The following SMG6 variants were observed in gnomAD, a reference collection of about 807,000 sequenced individuals.
SMG6 encodes telomerase-binding protein EST1A.
A neutral mutation model predicts 142.2 loss-of-function variants in SMG6; 66 were observed. That is an observed-to-expected ratio of 0.46 (90% CI 0.38 to 0.57). The LOEUF (loss-of-function observed/expected upper bound fraction) is 0.57, where lower values mean the gene tolerates loss of function less well. SMG6 is among the 20% of genes least tolerant of loss of function. The pLI, the probability that SMG6 is intolerant of heterozygous loss-of-function variation, is 0.00. For missense variants in SMG6, 1,793 were observed against 1,832.0 expected, an observed-to-expected ratio of 0.98 and a Z score of 0.39; for synonymous variants, 779 against 702.4, an observed-to-expected ratio of 1.11 and a Z score of -1.72.
chr17:2,118,994 G>A (rs1000488231), intron 13 of SMG6, among the ~76,000 whole-genome samples: 2 of 150,566 alleles, frequency 1.3e-5, no homozygotes, highest in African/African-American at 4.9e-5. Context: ...TCCGTCTCCC[G>A]GTTCAAGCAA....
chr17:2,284,166 A>C (rs992019527), intron 6 of SMG6, among the ~76,000 whole-genome samples: 3 of 152,208 alleles, frequency 2.0e-5, no homozygotes, highest in African/African-American at 7.2e-5. Context: ...GTTGACTCGG[A>C]AACTTTGGAC....
At chr17:2,298,171 C>G in intron 2 of SMG6, 116 bp from the exon 3 acceptor site, 1 of 899,330 alleles carries the variant, frequency 1.1e-6, no homozygotes, top group Non-Finnish European at 1.6e-6. Flanking sequence ...AAAAATGTGA[C>G]CAGGTAGGTA....
intron 10 of SMG6, among the ~76,000 whole-genome samples, chr17:2,229,815 T>C (rs964724251): frequency 7.2e-5 from 11 of 152,106 alleles, no homozygotes; most frequent in African/African-American, 2.7e-4. Context: ...GCATACAGTA[T>C]GAATCTGGCC....
At chr17:2,181,418 C>A (rs11871926) in intron 12 of SMG6, among the ~76,000 whole-genome samples, 1 of 152,132 alleles carries the variant, frequency 6.6e-6, no homozygotes, top group Admixed American at 6.5e-5. Flanking sequence ...TGCTTAAACT[C>A]GCATTCCAGA....
intron 14 of SMG6, 116 bp from the exon 15 acceptor site, chr17:2,082,072 T>G: frequency 9.4e-7 from 1 of 1,062,554 alleles, no homozygotes; most frequent in Non-Finnish European, 1.4e-6. Flanking sequence ...GGACCATCCC[T>G]TGCAAAGGGT....
intron 13 of SMG6, among the ~76,000 whole-genome samples, chr17:2,141,772 CATAAT>C (rs1283801109): frequency 1.3e-5 from 2 of 152,124 alleles, no homozygotes; most frequent in African/African-American, 2.4e-5. Flanking sequence ...GTGACTGTCT[CATAAT>C]AGAGTAAATT....
chr17:2,074,533 A>C (rs1180981539), intron 15 of SMG6, among the ~76,000 whole-genome samples: 1 of 152,230 alleles, frequency 6.6e-6, no homozygotes, highest in Non-Finnish European at 1.5e-5. Context: ...CAAATGTACC[A>C]CAGAGCTTAA....
intron 8 of SMG6, among the ~76,000 whole-genome samples, chr17:2,250,575 C>T (rs774269739): frequency 5.9e-5 from 9 of 151,744 alleles, no homozygotes; most frequent in Non-Finnish European, 1.0e-4. Flanking sequence ...TTTGTAGAGA[C>T]GGGGTCTCAC....
At chr17:2,113,576 T>C (rs2069406956) in intron 13 of SMG6, among the ~76,000 whole-genome samples, 1 of 152,198 alleles carries the variant, frequency 6.6e-6, no homozygotes, top group Non-Finnish European at 1.5e-5. Context: ...TGCTTTCTCT[T>C]ACACAGCTGC....
At chr17:2,180,456 G>C (rs913631022) in intron 12 of SMG6, among the ~76,000 whole-genome samples, 6 of 152,162 alleles carry the variant, frequency 3.9e-5, no homozygotes, top group African/African-American at 1.4e-4. Flanking sequence ...CTAACACACA[G>C]ATCTAATAAG....
Position 2,297,225 on chromosome 17 carries a change from A to G in SMG6, c.2151+18T>C, listed in dbSNP as rs183676006. 8 of 1,548,650 alleles carry G rather than the reference A, an allele frequency of 5.2e-6. No individual in the cohort carries two copies. The highest frequency in any genetic ancestry group is 1.2e-5 in the South Asian group (1 of 85,944). Reference sequence around the variant, plus strand: ...CGAAATGAATGAAAATTTAAGATACATAAAGAAGGTAGCTTACTGTCTTGC... The same window carrying G: ...CGAAATGAATGAAAATTTAAGATACGTAAAGAAGGTAGCTTACTGTCTTGC... On this transcript the variant is annotated intron_variant, in intron 4 of 18. Coordinates refer to ENST00000263073, the MANE Select transcript of SMG6 (RefSeq NM_017575.5).
rs2075208833 is a variant in SMG6, at chr17:2,299,045, C to T, written c.1708G>A (p.Glu570Lys). Residue 570 changes from glutamate to lysine, a missense_variant, in exon 2 of 19, where the codon GAG becomes AAG. By Grantham distance (56) the Glu-to-Lys change is moderately conservative (BLOSUM62 1). Coordinates refer to ENST00000263073, the MANE Select transcript of SMG6 (RefSeq NM_017575.5). This position sits in a 1 kb window ranked among gnomAD's most constrained non-coding sequence, Gnocchi z 4.3. ...TGCTGCAGGTTCCTCATGTGCTGCT[C>T]TACCTCCTCGGGACTCATGGTGCTG... ...PTSTMSPEEVEQHMRNLQQQE... is the reference protein window; with the variant it reads ...PTSTMSPEEVKQHMRNLQQQE... 2 of 1,614,190 alleles carry T rather than the reference C, an allele frequency of 1.2e-6. No homozygotes were observed. The highest frequency in any genetic ancestry group is 1.7e-6 in the Non-Finnish European group (2 of 1,180,034).
rs530544767 is a variant in SMG6 at position 2,293,251 on chromosome 17, A to C, written c.2152-274T>G. Among the ~76,000 whole-genome samples the C allele has an allele frequency of 2.0e-5, 3 of 152,314 alleles. No homozygotes were observed. In the South Asian group the frequency reaches 6.2e-4, roughly 32 times the overall value. ...GTGATTCTTGAGTCCCAGGCAAATGAAAGAAAATATTTTGATATTAGTAGT... is the reference window on the plus strand; with the variant it reads ...GTGATTCTTGAGTCCCAGGCAAATGCAAGAAAATATTTTGATATTAGTAGT... On this transcript the variant is annotated intron_variant, in intron 4 of 18. Coordinates refer to ENST00000263073, the MANE Select transcript of SMG6 (RefSeq NM_017575.5).
intron 16 of SMG6, among the ~76,000 whole-genome samples, chr17:2,066,936 C>T (rs932746896): frequency 6.6e-6 from 1 of 152,226 alleles, no homozygotes; most frequent in Admixed American, 6.5e-5. Flanking sequence ...GAGCACAGAG[C>T]AGGTTAAAGA....
intron 13 of SMG6, among the ~76,000 whole-genome samples, chr17:2,159,885 T>C (rs1567646921): frequency 6.6e-6 from 1 of 152,240 alleles, no homozygotes; most frequent in African/African-American, 2.4e-5. Context: ...TCAGACGTTA[T>C]GCTGAGTGAC....
chr17:2,247,961 C>T (rs908019537), intron 8 of SMG6, among the ~76,000 whole-genome samples: 3 of 151,600 alleles, frequency 2.0e-5, no homozygotes, highest in African/African-American at 4.9e-5. Flanking sequence ...AACGAAACAG[C>T]CAGGCGTGGT....
At chr17:2,207,903 C>G (rs1332767829) in intron 10 of SMG6, among the ~76,000 whole-genome samples, 1 of 152,128 alleles carries the variant, frequency 6.6e-6, no homozygotes, top group Non-Finnish European at 1.5e-5. Flanking sequence ...ATAGAACTGA[C>G]CTGCTTCTGC....
At chr17:2,253,350 G>T (rs2037519250) in intron 8 of SMG6, among the ~76,000 whole-genome samples, 1 of 151,930 alleles carries the variant, frequency 6.6e-6, no homozygotes, top group Non-Finnish European at 1.5e-5. Flanking sequence ...TCACCGTGTT[G>T]ACCAGGATGG....
At chr17:2,079,421 T>G (rs1312864027) in intron 15 of SMG6, among the ~76,000 whole-genome samples, 2 of 151,174 alleles carry the variant, frequency 1.3e-5, no homozygotes, top group Non-Finnish European at 3.0e-5. Context: ...GATCACGAAG[T>G]CAAGAGATTG....
Sources: allele counts gnomAD v4.1 joint callset (sites outside exome capture counted in the v4.1 genomes callset), GRCh38; gene constraint gnomAD v4.1.1; non-coding constraint Gnocchi (gnomAD v3.1); transcripts MANE v1.5; gene names NCBI Gene and HGNC (gene_info 2026-07-23, HGNC 2026-07-21).